The following ARHGEF10 variants were observed in gnomAD, a reference collection of about 807,000 sequenced individuals.
The protein encoded by ARHGEF10 is Rho guanine nucleotide exchange factor 10.
Under a neutral mutation model 147.4 loss-of-function variants are expected in ARHGEF10, and 140 were observed. That is an observed-to-expected ratio of 0.95 (90% confidence interval 0.83 to 1.09). ARHGEF10 has a LOEUF of 1.09. ARHGEF10 is among the 50% of genes least tolerant of loss of function. ARHGEF10 has a pLI of 0.00. For missense variants in ARHGEF10, 2,222 were observed against 1,752.7 expected (o/e 1.27, Z -4.78); for synonymous variants, 902 against 695.8 (o/e 1.30, Z -4.67).
intron 27 of ARHGEF10, among the ~76,000 whole-genome samples, chr8:1,951,558 C>G (rs1372071665): frequency 6.6e-6 from 1 of 152,152 alleles, no homozygotes; most frequent in Non-Finnish European, 1.5e-5. Flanking sequence ...GTCTTTGGCT[C>G]TGGTGTGAGG....
At chr8:1,912,101 G>A (rs905021086) in intron 18 of ARHGEF10, among the ~76,000 whole-genome samples, 7 of 152,204 alleles carry the variant, frequency 4.6e-5, no homozygotes, top group East Asian at 3.9e-4. Flanking sequence ...CTTGCAGAGC[G>A]GGCAGCGTGG....
In ARHGEF10 at chr8:1,909,478, A is replaced by G. The variant is rs758544406; in HGVS notation, c.2143+8A>G. The G allele has an allele frequency of 1.9e-6, 3 of 1,613,856 alleles. No individual in the cohort carries two copies. Among genetic ancestry groups the G allele is most frequent in the Non-Finnish European group, 2.5e-6 (3 of 1,179,988 alleles). ...TTGCTAACGCGAAACCAAGTAAGTGATGCTTTCTCTCACGTTCGTGCCGTG... is the reference window on the plus strand; with the variant it reads ...TTGCTAACGCGAAACCAAGTAAGTGGTGCTTTCTCTCACGTTCGTGCCGTG... On this transcript the variant is annotated splice_region_variant and intron_variant, in intron 18 of 28. Coordinates refer to ENST00000349830, the MANE Select transcript of ARHGEF10 (RefSeq NM_014629.4).
Position 1,925,350 on chromosome 8 carries a change from T to G in ARHGEF10, c.2556T>G (p.His852Gln). Reference sequence around the variant, plus strand: ...GGAATCACATTAAAAAGGAGAAGCATCCTCTCCTCGTCGGACACATGCCCG... The same window carrying G: ...GGAATCACATTAAAAAGGAGAAGCAGCCTCTCCTCGTCGGACACATGCCCG... ...DDGNHIKKEKHPLLVGHMPVM... is the reference protein window; with the variant it reads ...DDGNHIKKEKQPLLVGHMPVM... Residue 852 changes from histidine (H) to glutamine (Q), a missense_variant, in exon 22 of 29, where the codon CAT (histidine) becomes CAG (glutamine). Transcript: ENST00000349830. 1 of 1,614,042 alleles carries G rather than the reference T, an allele frequency of 6.2e-7. No homozygotes were observed. Among genetic ancestry groups the G allele is most frequent in the Non-Finnish European group, 8.5e-7 (1 of 1,179,994 alleles).
At chr8:1,883,270 C>T (rs3758001) in intron 10 of ARHGEF10, among the ~76,000 whole-genome samples, 49,397 of 151,758 alleles carry the variant, frequency 0.33, 8,273 homozygotes, top group South Asian at 0.48. Context: ...TCGTGCACGG[C>T]GGCAACAAGC....
intron 1 of ARHGEF10, among the ~76,000 whole-genome samples, chr8:1,828,857 A>G (rs938594087): frequency 2.6e-5 from 4 of 152,154 alleles, no homozygotes; most frequent in African/African-American, 9.7e-5. Flanking sequence ...AAACTGTGGC[A>G]TGCGCACTTA....
rs1234367702 is a variant in ARHGEF10, at chr8:1,919,179, C to CCG, written c.2144-3785_2144-3784insCG. Among the ~76,000 whole-genome samples, 63 of 64,988 alleles carry CCG rather than the reference C, an allele frequency of 9.7e-4. 1 individual carries two copies. Among genetic ancestry groups the CCG allele is most frequent in the South Asian group, 2.1e-3 (4 of 1,878 alleles). The allele number at this position is 64,988 out of a possible 152,430, so 42.6% of individuals were successfully genotyped here. A position where few individuals can be genotyped will look rare whatever the true frequency, so the allele number is the denominator to read the frequency against. On this transcript the variant is annotated intron_variant, in intron 18 of 28. Coordinates refer to ENST00000349830, the MANE Select transcript of ARHGEF10 (RefSeq NM_014629.4). ...GTTCCGTGGGTGATGGAGCTGTTCT[C>CCG]TGGGTGATGGAGCTGTTCCGTGGGT... is the stretch of plus-strand genomic sequence containing the variant.
intron 7 of ARHGEF10, chr8:1,870,419 T>A (rs916089772): frequency 5.9e-5 from 9 of 151,958 alleles, no homozygotes; most frequent in African/African-American, 2.2e-4. Context: ...GACTGCAAAA[T>A]AAGTACAAAC....
intron 25 of ARHGEF10, among the ~76,000 whole-genome samples, chr8:1,930,897 G>C (rs76360162): frequency 6.6e-6 from 1 of 152,234 alleles, no homozygotes; most frequent in Non-Finnish European, 1.5e-5. Context: ...TGACCCTGCT[G>C]ATCCCTGGCC....
chr8:1,921,930 C>G (rs946353718), intron 18 of ARHGEF10, among the ~76,000 whole-genome samples: 2 of 152,050 alleles, frequency 1.3e-5, no homozygotes, highest in African/African-American at 2.4e-5. Flanking sequence ...TTGGCTCCTT[C>G]TCTTACTGGT....
intron 1 of ARHGEF10, among the ~76,000 whole-genome samples, chr8:1,833,267 G>A (rs904308559): frequency 1.3e-5 from 2 of 148,518 alleles, no homozygotes; most frequent in African/African-American, 2.5e-5. Flanking sequence ...CAGAGGCAGA[G>A]GCAGAGACAG....
At chr8:1,938,011 G>T (rs981012312) in intron 26 of ARHGEF10, among the ~76,000 whole-genome samples, 4 of 152,146 alleles carry the variant, frequency 2.6e-5, no homozygotes, top group Admixed American at 6.5e-5. Context: ...ACGCTGAGCC[G>T]GGTGCTTGGT....
chr8:1,907,408 C>G (rs1191483434), intron 17 of ARHGEF10, among the ~76,000 whole-genome samples: 2 of 152,166 alleles, frequency 1.3e-5, no homozygotes, highest in East Asian at 3.8e-4. Flanking sequence ...TCCACCTGCC[C>G]TGGGAGACAA....
intron 8 of ARHGEF10, 131 bp from the exon 9 acceptor site, chr8:1,879,917 C>G: frequency 1.3e-6 from 1 of 769,276 alleles, no homozygotes; most frequent in South Asian, 1.4e-5. Flanking sequence ...CGCGTGTGGT[C>G]CCAGAAGCCC....
chr8:1,850,114 ATGG>A (rs1804962062), intron 2 of ARHGEF10, among the ~76,000 whole-genome samples: 3 of 21,024 alleles, frequency 1.4e-4, no homozygotes, highest in Non-Finnish European at 3.5e-4. Context: ...GGCCGGCTGC[ATGG>A]ACACAGAGGG....
chr8:1,899,250 C>T (rs1004969615), intron 15 of ARHGEF10, among the ~76,000 whole-genome samples: 4 of 152,196 alleles, frequency 2.6e-5, no homozygotes, highest in African/African-American at 9.7e-5. Flanking sequence ...CTGTAGGCTG[C>T]GGGGCTCAGC....
Position 1,937,622 on chromosome 8 carries a change from T to C in ARHGEF10, c.3222+3680T>C, listed in dbSNP as rs766634088. Among the ~76,000 whole-genome samples the C allele has an allele frequency of 3.3e-5, 5 of 152,242 alleles. No homozygotes were observed. Among genetic ancestry groups the C allele is most frequent in the Non-Finnish European group, 7.3e-5 (5 of 68,042 alleles). ...AAATCTGCTCTCTGAAAACATGATA[T>C]TCATCCTGTCGTTCCCGTTGTGCAG... On this transcript the variant is annotated intron_variant, in intron 26 of 28. Coordinates refer to ENST00000349830, the MANE Select transcript of ARHGEF10 (RefSeq NM_014629.4). The surrounding 1 kb of genome is among the most constrained non-coding windows in gnomAD (Gnocchi z 4.9).
In ARHGEF10 at chr8:1,957,201, C is replaced by G; in HGVS notation, c.3973C>G (p.Pro1325Ala). 6.2e-7 allele frequency: 1 copy of G among 1,612,258 alleles called. No individual in the cohort carries two copies. Among genetic ancestry groups the G allele is most frequent in the Non-Finnish European group, 8.5e-7 (1 of 1,179,954 alleles). Residue 1325 changes from proline (P) to alanine (A), a missense_variant, in exon 29 of 29, where the codon CCC becomes GCC. By Grantham distance (27) the Pro-to-Ala change is conservative (BLOSUM62 -1). Coordinates refer to ENST00000349830, the MANE Select transcript of ARHGEF10 (RefSeq NM_014629.4). ...CCGGGTGCACAGGAAGGCCCGGCAG[C>G]CCCACCAGGAAGAGCTGGCGCCGAC... ...HRRVHRKARQPHQEELAPTVM... is the reference protein window; with the variant it reads ...HRRVHRKARQAHQEELAPTVM...
intron 9 of ARHGEF10, 63 bp from the exon 10 acceptor site, chr8:1,882,572 C>G (rs550063611): frequency 7.6e-7 from 1 of 1,317,442 alleles, no homozygotes; most frequent in Non-Finnish European, 1.1e-6. Context: ...TTAAAACAGG[C>G]AAATGAAAGT....
intron 18 of ARHGEF10, among the ~76,000 whole-genome samples, chr8:1,911,323 C>G (rs1046413461): frequency 6.6e-6 from 1 of 152,076 alleles, no homozygotes; most frequent in Non-Finnish European, 1.5e-5. Context: ...GGAAAAGCAC[C>G]TAGTTAACCT....
Sources: gnomAD v4.1 joint callset for allele counts (sites outside exome capture counted in the v4.1 genomes callset) on GRCh38, gnomAD v4.1.1 for gene constraint, Gnocchi (gnomAD v3.1) non-coding constraint, MANE v1.5 for transcripts, NCBI Gene and HGNC (gene_info 2026-07-23, HGNC 2026-07-21) for gene names.